Variants in OPCML observed in about 807,000 individuals in gnomAD.
OPCML encodes opioid binding protein/cell adhesion molecule like, also known as opioid-binding protein/cell adhesion molecule.
A neutral mutation model predicts 37.8 loss-of-function variants in OPCML; 13 were observed. That is an observed-to-expected ratio of 0.34 (90% CI 0.22 to 0.55). The LOEUF is 0.55. Among genes scored for constraint, OPCML ranks in the 20% least tolerant of loss-of-function variants. The pLI, the probability that OPCML is intolerant of heterozygous loss-of-function variation, is 0.91. For missense variants in OPCML, 341 were observed against 435.6 expected, an observed-to-expected ratio of 0.78 and a Z score of 1.93; for synonymous variants, 176 against 168.8, an observed-to-expected ratio of 1.04 and a Z score of -0.33.
intron 2 of OPCML, among the ~76,000 whole-genome samples, chr11:132,738,701 G>A: frequency 6.6e-6 from 1 of 152,010 alleles, no homozygotes; most frequent in East Asian, 1.9e-4. Context: ...TACGGCTCCT[G>A]GTGTTTTGAA....
chr11:132,585,854 T>A (rs1390802880), intron 3 of OPCML, among the ~76,000 whole-genome samples: 4 of 152,200 alleles, frequency 2.6e-5, no homozygotes, highest in Non-Finnish European at 5.9e-5. Flanking sequence ...GAAACAGAGC[T>A]GGCAAAGATT....
At chr11:133,026,701 G>T (rs74805600) in intron 1 of OPCML, 25,175 of 513,788 alleles carry the variant, frequency 0.049, 1,480 homozygotes, top group East Asian at 0.28. Context: ...GTGTTTAGCA[G>T]TAATTCATCT....
chr11:132,939,016 C>A (rs1460275111), intron 2 of OPCML, among the ~76,000 whole-genome samples: 1 of 152,130 alleles, frequency 6.6e-6, no homozygotes, highest in Non-Finnish European at 1.5e-5. Flanking sequence ...CTGGAGAGGT[C>A]CTTTATGGAC....
intron 1 of OPCML, among the ~76,000 whole-genome samples, chr11:133,294,811 C>CTTTT (rs1942582369): frequency 2.1e-5 from 2 of 95,608 alleles, no homozygotes; most frequent in African/African-American, 4.5e-5. Flanking sequence ...TTCTTTCTTT[C>CTTTT]TTTCTTTTTT....
intron 1 of OPCML, among the ~76,000 whole-genome samples, chr11:133,053,402 G>T (rs1371568130): frequency 1.3e-5 from 2 of 152,068 alleles, no homozygotes; most frequent in African/African-American, 2.4e-5. Flanking sequence ...TTGTTTCTCT[G>T]CTCTCTTTAA....
chr11:133,213,763 A>G (rs977695621), intron 1 of OPCML, among the ~76,000 whole-genome samples: 1 of 152,196 alleles, frequency 6.6e-6, no homozygotes, highest in Non-Finnish European at 1.5e-5. Flanking sequence ...GGGTTTAGAC[A>G]TGTTTAATGT....
intron 1 of OPCML, among the ~76,000 whole-genome samples, chr11:133,042,627 T>C (rs1413180448): frequency 6.6e-6 from 1 of 152,184 alleles, no homozygotes; most frequent in Non-Finnish European, 1.5e-5. Context: ...TAGTGAGCGG[T>C]CTAGGTTAAC....
chr11:132,471,065 C>T (rs1319996806), intron 4 of OPCML, among the ~76,000 whole-genome samples: 1 of 152,182 alleles, frequency 6.6e-6, no homozygotes, highest in African/African-American at 2.4e-5. Context: ...AAAAGAAGCT[C>T]ATGAGCAACC....
intron 1 of OPCML, among the ~76,000 whole-genome samples, chr11:133,045,486 A>G (rs1947990525): frequency 6.6e-6 from 1 of 152,206 alleles, no homozygotes; most frequent in Middle Eastern, 3.2e-3. Context: ...AAGGAGTGGC[A>G]GCTGCTCAGT....
chr11:132,712,393 C>T (rs532191954), intron 2 of OPCML, among the ~76,000 whole-genome samples: 2 of 152,004 alleles, frequency 1.3e-5, no homozygotes, highest in South Asian at 2.1e-4. Context: ...ATAAGGCTCC[C>T]CCTCGGTGGA....
chr11:133,200,603 A>G (rs11822446), intron 1 of OPCML, among the ~76,000 whole-genome samples: 1,942 of 152,310 alleles, frequency 0.013, 20 homozygotes, highest in Middle Eastern at 0.044. Flanking sequence ...ACTAGGACAT[A>G]GACATACAGA....
chr11:132,674,253 C>A (rs1211213052), intron 2 of OPCML, among the ~76,000 whole-genome samples: 5 of 152,138 alleles, frequency 3.3e-5, no homozygotes, highest in African/African-American at 9.7e-5. Context: ...GCGGTCGAAG[C>A]AGAGAGAACT....
chr11:132,589,599 G>T (rs1459089948), intron 3 of OPCML, among the ~76,000 whole-genome samples: 1 of 152,206 alleles, frequency 6.6e-6, no homozygotes, highest in African/African-American at 2.4e-5. Context: ...GGCTCTCTGA[G>T]GAGGTAACAT....
chr11:133,135,157 G>A (rs1025638816), intron 1 of OPCML, among the ~76,000 whole-genome samples: 31 of 152,098 alleles, frequency 2.0e-4, no homozygotes, highest in Admixed American at 6.5e-5. Context: ...AATTAACAAC[G>A]CATGGGCCTC....
chr11:133,318,236 T>C (rs1483979255), intron 1 of OPCML, among the ~76,000 whole-genome samples: 2 of 152,246 alleles, frequency 1.3e-5, no homozygotes, highest in Non-Finnish European at 2.9e-5. Flanking sequence ...AAATGTTATT[T>C]AGGCTCCTAG....
At chr11:132,792,051 G>C (rs1937951576) in intron 2 of OPCML, among the ~76,000 whole-genome samples, 1 of 152,260 alleles carries the variant, frequency 6.6e-6, no homozygotes, top group African/African-American at 2.4e-5. Flanking sequence ...AGAGAACGCT[G>C]TGTCTCTCTG....
intron 3 of OPCML, among the ~76,000 whole-genome samples, chr11:132,635,230 A>C (rs1189050355): frequency 6.6e-6 from 1 of 152,182 alleles, no homozygotes; most frequent in East Asian, 1.9e-4. Context: ...ACTATGGAGT[A>C]TGCTTACTTT....
At chr11:133,241,994 GATCTCTTTGTCTTGCACACTTAGA>G (rs1940750146) in intron 1 of OPCML, among the ~76,000 whole-genome samples, 1 of 152,172 alleles carries the variant, frequency 6.6e-6, no homozygotes, top group Non-Finnish European at 1.5e-5. Context: ...CAATCTTTTA[GATCTCTTTGTCTTGCACACTTAGA>G]ATCAATCATT....
chr11:132,820,956 G>T (rs1010640695), intron 2 of OPCML, among the ~76,000 whole-genome samples: 1 of 152,100 alleles, frequency 6.6e-6, no homozygotes, highest in Non-Finnish European at 1.5e-5. Context: ...TACAGCATTA[G>T]GCATCAAACA....
Sources: allele counts gnomAD v4.1 joint callset (sites outside exome capture counted in the v4.1 genomes callset), GRCh38; gene constraint gnomAD v4.1.1; transcripts MANE v1.5; gene names NCBI Gene and HGNC (gene_info 2026-07-23, HGNC 2026-07-21).